NOC2L: variants seen among roughly 807,000 people sequenced by gnomAD.
NOC2L encodes nucleolar complex protein 2 homolog.
A neutral mutation model predicts 94.2 loss-of-function variants in NOC2L; 101 were observed. The ratio of observed to expected loss-of-function variants is 1.07; its 90% CI spans 0.91 to 1.26. NOC2L has a LOEUF of 1.26. Among genes scored for constraint, NOC2L ranks in the 50% most tolerant of loss-of-function variants. NOC2L has a pLI of 0.00. For synonymous variants in NOC2L, 531 were observed against 413.4 expected (o/e 1.28, Z -3.45); for missense variants, 1,076 against 980.1 (o/e 1.10, Z -1.31).
chr1:953,139 G>A (rs374010933), intron 9 of NOC2L, 36 bp downstream of exon 9: 4 of 1,477,290 alleles, frequency 2.7e-6, no homozygotes, highest in Non-Finnish European at 2.8e-6. Flanking sequence ...TTCCAATGCA[G>A]ATGCTGAGGG....
intron 11 of NOC2L, among the ~76,000 whole-genome samples, chr1:951,616 G>A (rs1642262505): frequency 6.6e-6 from 1 of 152,188 alleles, no homozygotes; most frequent in South Asian, 2.1e-4. Context: ...TCCTGCTGCA[G>A]CCCCTACCGT....
At chr1:948,001 T>C (rs559695954) in intron 14 of NOC2L, 130 bp downstream of exon 14, 21 of 714,024 alleles carry the variant, frequency 2.9e-5, no homozygotes, top group East Asian at 1.6e-4. Context: ...ACGGGGCGCG[T>C]TGCCAGCAGT....
Position 952,112 on chromosome 1 carries a change from G to GC in NOC2L, c.1218dup (p.Gln407AlafsTer191). ...CACAGGAAGAGGCAGTGCACATACTGCCAGTTGTACACAGACTGGTATGTT... is the reference window on the plus strand; with the variant it reads ...CACAGGAAGAGGCAGTGCACATACTGCCCAGTTGTACACAGACTGGTATGTT... On this transcript the variant is annotated frameshift_variant, in exon 11 of 19. Transcript: ENST00000327044. LOFTEE classifies it high-confidence loss of function. 1 of 1,613,658 alleles carries GC rather than the reference G, an allele frequency of 6.2e-7. No homozygotes were observed. The highest frequency in any genetic ancestry group is 8.5e-7 in the Non-Finnish European group (1 of 1,179,984).
chr1:946,426 G>C lies in NOC2L; in HGVS notation c.1779C>G (p.Phe593Leu). ...YICSRRQRVS[F>L]GVSEQQAVEA... ...CCACTGCCTGCTGCTCAGAGACGCC[G>C]AAGGAAACCCTCTGGCGGCGGCTGC... Residue 593 changes from phenylalanine (F) to leucine (L), a missense_variant, in exon 15 of 19, where the codon TTC (phenylalanine) becomes TTG (leucine). This residue lies in a region of NOC2L where 615 missense variants were observed against 577.4 expected (regional missense o/e 1.07). Transcript: ENST00000327044. 1 of 1,613,518 alleles carries C rather than the reference G, an allele frequency of 6.2e-7. No individual in the cohort carries two copies. Among genetic ancestry groups the C allele is most frequent in the Non-Finnish European group, 8.5e-7 (1 of 1,180,020 alleles).
At chr1:947,985 G>C in intron 14 of NOC2L, 146 bp downstream of exon 14, 1 of 660,312 alleles carries the variant, frequency 1.5e-6, no homozygotes, top group Non-Finnish European at 2.7e-6. Flanking sequence ...CCTCCAAGGG[G>C]GCCTCACGGG....
At chr1:957,535 G>C (rs1008493259) in intron 2 of NOC2L, 2 of 476,040 alleles carry the variant, frequency 4.2e-6, no homozygotes, top group African/African-American at 1.9e-5. Context: ...CCCCAGCCGC[G>C]GTCTTCCCTG....
Position 944,304 on chromosome 1 carries a change from T to C in NOC2L, c.*390A>G, listed in dbSNP as rs1371579853. The C allele has an allele frequency of 3.6e-6, 5 of 1,392,368 alleles. No individual in the cohort carries two copies. The highest frequency in any genetic ancestry group is 6.8e-5 in the Admixed American group (2 of 29,608). The allele number at this position is 1,392,368 out of a possible 1,614,324, so 86.3% of individuals were successfully genotyped here. On this transcript the variant is annotated 3_prime_UTR_variant, in exon 19 of 19. Coordinates refer to ENST00000327044, the MANE Select transcript of NOC2L (RefSeq NM_015658.4). ...TGTGACTTCAAAGGAAAGGAACAAA[T>C]TTTCAAAGACTTGGGGGAGTGAAGG...
Position 950,128 on chromosome 1 carries a change from G to A in NOC2L, c.1443+999C>T, listed in dbSNP as rs372200431. On this transcript the variant is annotated intron_variant, in intron 12 of 18. Transcript: ENST00000327044. ...TGCACAGGCACACACGTAGACGCAC[G>A]TACATGCACACAGGTGCACACACGC... Among the ~76,000 whole-genome samples the A allele has an allele frequency of 2.0e-4, 31 of 152,030 alleles. 1 individual carries two copies. In the South Asian group the frequency reaches 3.1e-3, roughly 15 times the overall value.
chr1:957,533 G>T, intron 2 of NOC2L: 1 of 485,202 alleles, frequency 2.1e-6, no homozygotes, highest in South Asian at 2.6e-5. Flanking sequence ...GCCCCCAGCC[G>T]CGGTCTTCCC....
At chr1:945,889 C>T (rs1056262274) in intron 16 of NOC2L, among the ~76,000 whole-genome samples, 11 of 152,216 alleles carry the variant, frequency 7.2e-5, no homozygotes, top group South Asian at 2.1e-4. Flanking sequence ...GCCTGGGTGA[C>T]GAGGTCAGTC....
At chr1:945,977 G>A (rs1305391623) in intron 16 of NOC2L, among the ~76,000 whole-genome samples, 196 bp downstream of exon 16, 2 of 152,194 alleles carry the variant, frequency 1.3e-5, no homozygotes, top group African/African-American at 4.8e-5. Flanking sequence ...TGCAGCCTGG[G>A]GCTTCCCCTC....
rs755130316 is a variant in NOC2L at position 945,834 on chromosome 1, A to G, written c.1918-181T>C. ...ATCCCATGTCCAAGGTCAAAGGCAG[A>G]GCCCTTCCTGCTTCTCCTCACGGGC... is the stretch of plus-strand genomic sequence containing the variant. On this transcript the variant is annotated intron_variant, in intron 16 of 18. Coordinates refer to ENST00000327044, the MANE Select transcript of NOC2L (RefSeq NM_015658.4). Among the ~76,000 whole-genome samples, 52 of 152,226 alleles carry G rather than the reference A, an allele frequency of 3.4e-4. 1 individual carries two copies. The highest frequency in any genetic ancestry group is 9.8e-4 in the Admixed American group (15 of 15,288).
intron 17 of NOC2L, 92 bp downstream of exon 17, chr1:945,426 C>T: frequency 6.8e-7 from 1 of 1,465,140 alleles, no homozygotes; most frequent in Admixed American, 1.9e-5. Context: ...GAGCCCCCTG[C>T]AGGATGGGTA....
At chr1:952,796 C>A (rs946083986) in intron 9 of NOC2L, among the ~76,000 whole-genome samples, 196 bp from the exon 10 acceptor site, 33 of 152,230 alleles carry the variant, frequency 2.2e-4, no homozygotes, top group Non-Finnish European at 8.8e-5. Context: ...GAAGCTCCTG[C>A]TGCACACTGG....
Position 956,223 on chromosome 1 carries a change from A to C in NOC2L, c.487-8T>G. The C allele has an allele frequency of 6.2e-7, 1 of 1,613,026 alleles. No individual in the cohort carries two copies. Among genetic ancestry groups the C allele is most frequent in the Non-Finnish European group, 8.5e-7 (1 of 1,180,002 alleles). On this transcript the variant is annotated splice_region_variant and splice_polypyrimidine_tract_variant and intron_variant, in intron 4 of 18. Coordinates refer to ENST00000327044, the MANE Select transcript of NOC2L (RefSeq NM_015658.4). ...CTTTGGAGTGAGGCGTTGCTGAAGGAGCAAGAGTACCAGGGGCGTCAGGGG... is the reference window on the plus strand; with the variant it reads ...CTTTGGAGTGAGGCGTTGCTGAAGGCGCAAGAGTACCAGGGGCGTCAGGGG...
intron 2 of NOC2L, chr1:957,532 C>T (rs1475569150): frequency 8.3e-6 from 4 of 481,310 alleles, no homozygotes; most frequent in South Asian, 2.6e-5. Flanking sequence ...GGCCCCCAGC[C>T]GCGGTCTTCC....
chr1:958,630 C>A (rs1474030131), intron 2 of NOC2L: 1 of 607,212 alleles, frequency 1.6e-6, no homozygotes, highest in Non-Finnish European at 3.1e-6. Flanking sequence ...CTCCCCAGCA[C>A]TTATCTCTCT....
At chr1:948,638 C>T (rs753985624) in intron 12 of NOC2L, 35 bp from the exon 13 acceptor site, 1 of 1,526,034 alleles carries the variant, frequency 6.6e-7, no homozygotes, top group East Asian at 2.2e-5. Context: ...CTCTCGGCCC[C>T]ATGCCTGGTC....
At position 944,239 on chromosome 1, in the gene NOC2L, TTTCGG is replaced by T; in HGVS notation, c.*450_*454del. The T allele has an allele frequency of 6.9e-7, 1 of 1,453,948 alleles. No individual in the cohort carries two copies. 90.1% of individuals were successfully genotyped at this position (1,453,948 alleles called of 1,614,324 possible). A position where few individuals can be genotyped will look rare whatever the true frequency, so the allele number is the denominator to read the frequency against. On this transcript the variant is annotated 3_prime_UTR_variant, in exon 19 of 19. Coordinates refer to ENST00000327044, the MANE Select transcript of NOC2L (RefSeq NM_015658.4). ...GCCCTGCCTCCCACCGCTTTATTTC[TTTCGG>T]TTTCGGATGCAAAACAAAAAATTTT...
Sources: allele counts gnomAD v4.1 joint callset (sites outside exome capture counted in the v4.1 genomes callset), GRCh38; gene constraint gnomAD v4.1.1; regional missense constraint gnomAD v4.1.1; transcripts MANE v1.5; gene names NCBI Gene and HGNC (gene_info 2026-07-23, HGNC 2026-07-21).